Variants in PTPRM observed in about 807,000 individuals in gnomAD.
PTPRM encodes the protein receptor-type tyrosine-protein phosphatase mu.
Under a neutral mutation model 186.7 loss-of-function variants are expected in PTPRM, and 47 were observed. The ratio of observed to expected loss-of-function variants is 0.25; its 90% CI spans 0.20 to 0.32. The LOEUF (loss-of-function observed/expected upper bound fraction) is 0.32, where lower values mean the gene tolerates loss of function less well. Ranked by LOEUF, PTPRM falls within the 10% of genes least tolerant of loss-of-function variation. The pLI is 1.00. For missense variants in PTPRM, 1,494 were observed against 1,865.0 expected (o/e 0.80, Z 3.66); for synonymous variants, 668 against 674.9 (o/e 0.99, Z 0.16).
chr18:8,118,034 G>C (rs916037998), intron 13 of PTPRM, among the ~76,000 whole-genome samples: 1 of 152,050 alleles, frequency 6.6e-6, no homozygotes, highest in Non-Finnish European at 1.5e-5. Flanking sequence ...GAAACTCTTT[G>C]CAGCTAGTTT....
intron 2 of PTPRM, among the ~76,000 whole-genome samples, chr18:7,870,799 C>T (rs2047945195): frequency 6.6e-6 from 1 of 152,132 alleles, no homozygotes; most frequent in Admixed American, 6.5e-5. Flanking sequence ...GCTGTAGACT[C>T]TATGGAAGTA....
intron 22 of PTPRM, among the ~76,000 whole-genome samples, chr18:8,333,693 C>T (rs2095423677): frequency 6.6e-6 from 1 of 152,174 alleles, no homozygotes; most frequent in African/African-American, 2.4e-5. Flanking sequence ...CTCTCAGGCT[C>T]ATCGTCTTCT....
intron 23 of PTPRM, among the ~76,000 whole-genome samples, chr18:8,347,847 A>G (rs1290018224): frequency 1.3e-5 from 2 of 152,154 alleles, no homozygotes. Context: ...GTTTGTGGGG[A>G]CACGGGTAAG....
chr18:8,285,533 T>G (rs1381775678), intron 19 of PTPRM, among the ~76,000 whole-genome samples: 1 of 152,216 alleles, frequency 6.6e-6, no homozygotes, highest in Non-Finnish European at 1.5e-5. Context: ...TTCAATACTT[T>G]TGATTCGCCA....
At chr18:7,718,865 G>A (rs544780694) in intron 1 of PTPRM, among the ~76,000 whole-genome samples, 13 of 152,050 alleles carry the variant, frequency 8.5e-5, no homozygotes, top group Non-Finnish European at 1.3e-4. Context: ...TGAGATATAA[G>A]AATGGCCATA....
chr18:7,760,072 C>G (rs2041695075), intron 1 of PTPRM, among the ~76,000 whole-genome samples: 1 of 152,152 alleles, frequency 6.6e-6, no homozygotes, highest in Non-Finnish European at 1.5e-5. Context: ...GGAGTCTGGC[C>G]AGCTCTAGCA....
At chr18:8,353,138 A>C (rs2095545059) in intron 23 of PTPRM, among the ~76,000 whole-genome samples, 1 of 152,196 alleles carries the variant, frequency 6.6e-6, no homozygotes, top group Non-Finnish European at 1.5e-5. Flanking sequence ...GGGAAAGCAC[A>C]GGAAGGGGAG....
intron 14 of PTPRM, among the ~76,000 whole-genome samples, chr18:8,235,842 T>G (rs1438954266): frequency 6.6e-6 from 1 of 152,202 alleles, no homozygotes; most frequent in East Asian, 1.9e-4. Flanking sequence ...GTGTTTTACT[T>G]AACATGCATC....
chr18:8,073,067 G>A (rs1708999733), intron 8 of PTPRM, among the ~76,000 whole-genome samples: 1 of 152,094 alleles, frequency 6.6e-6, no homozygotes, highest in Non-Finnish European at 1.5e-5. Context: ...TTCCTAACAT[G>A]ATTTTGAATA....
At chr18:7,891,222 G>A (rs1199865580) in intron 3 of PTPRM, among the ~76,000 whole-genome samples, 1 of 152,060 alleles carries the variant, frequency 6.6e-6, no homozygotes, top group Non-Finnish European at 1.5e-5. Context: ...GGAGGTCGAG[G>A]CTTCAGTGAG....
chr18:8,383,346 A>G (rs2095751054), intron 29 of PTPRM, among the ~76,000 whole-genome samples: 1 of 150,828 alleles, frequency 6.6e-6, no homozygotes. Context: ...ATGCTACTCA[A>G]AAAAAAGTTA....
At chr18:8,071,958 G>T (rs2089506346) in intron 8 of PTPRM, among the ~76,000 whole-genome samples, 3 of 152,186 alleles carry the variant, frequency 2.0e-5, no homozygotes, top group Non-Finnish European at 1.5e-5. Flanking sequence ...TATGTGGAGA[G>T]CTGGTTGTAG....
chr18:7,972,749 A>G (rs1197133821), intron 7 of PTPRM, among the ~76,000 whole-genome samples: 1 of 152,120 alleles, frequency 6.6e-6, no homozygotes, highest in Non-Finnish European at 1.5e-5. Flanking sequence ...TAGATGTGAT[A>G]TAAGAAGGCA....
chr18:7,978,468 A>G (rs1262488462), intron 7 of PTPRM, among the ~76,000 whole-genome samples: 1 of 152,342 alleles, frequency 6.6e-6, no homozygotes, highest in East Asian at 1.9e-4. Flanking sequence ...AATGGACTCA[A>G]TTTGACCATT....
chr18:7,767,829 G>A (rs763155596), intron 1 of PTPRM, among the ~76,000 whole-genome samples: 59 of 152,244 alleles, frequency 3.9e-4, no homozygotes, highest in Non-Finnish European at 6.3e-4. Flanking sequence ...GAACAAGTTC[G>A]TTGATTTTGT....
intron 1 of PTPRM, among the ~76,000 whole-genome samples, chr18:7,608,104 A>G (rs1373202579): frequency 6.6e-6 from 1 of 152,230 alleles, no homozygotes; most frequent in Non-Finnish European, 1.5e-5. Context: ...GAGAGGCATC[A>G]GGCTGACTGA....
intron 13 of PTPRM, among the ~76,000 whole-genome samples, chr18:8,118,628 C>T (rs189295098): frequency 3.9e-5 from 6 of 152,020 alleles, no homozygotes; most frequent in Admixed American, 2.6e-4. Context: ...GGCGAAACCC[C>T]GTCTCTACTA....
At chr18:8,165,462 T>C (rs973502851) in intron 14 of PTPRM, among the ~76,000 whole-genome samples, 1 of 152,180 alleles carries the variant, frequency 6.6e-6, no homozygotes, top group Non-Finnish European at 1.5e-5. Flanking sequence ...TTGAAGCATG[T>C]CACCGGCAGT....
intron 11 of PTPRM, among the ~76,000 whole-genome samples, chr18:8,093,273 G>A (rs2090848078): frequency 6.6e-6 from 1 of 151,978 alleles, no homozygotes; most frequent in African/African-American, 2.4e-5. Context: ...CAACCTCATG[G>A]GGTTCTTGTG....
Sources: gnomAD v4.1 joint callset for allele counts (sites outside exome capture counted in the v4.1 genomes callset) on GRCh38, gnomAD v4.1.1 for gene constraint, MANE v1.5 for transcripts, NCBI Gene and HGNC (gene_info 2026-07-23, HGNC 2026-07-21) for gene names.